The following SCPPPQ1 variants were observed in gnomAD, a reference collection of about 807,000 sequenced individuals.
The protein encoded by SCPPPQ1 is secretory calcium-binding phosphoprotein proline- and glutamine-rich 1.
At chr4:87,465,161 A>G in the SCPPPQ1 span, among the ~76,000 whole-genome samples, 28 of 152,288 alleles carry the variant, frequency 1.8e-4, no homozygotes, top group Admixed American at 1.6e-3. Context: ...CTAGAAGAGG[A>G]TAAGGGTCAC....
chr4:87,470,229 G>A, the SCPPPQ1 span, among the ~76,000 whole-genome samples: 1 of 152,170 alleles, frequency 6.6e-6, no homozygotes, highest in African/African-American at 2.4e-5. Context: ...GCCTTCCAAA[G>A]TGCTGGGATT....
chr4:87,464,609 A>T, the SCPPPQ1 span, among the ~76,000 whole-genome samples: 1 of 152,204 alleles, frequency 6.6e-6, no homozygotes, highest in East Asian at 1.9e-4. Flanking sequence ...AGGCCAAGGG[A>T]GGAGGATCAC....
chr4:87,460,874 G>T, the SCPPPQ1 span: 1 of 152,424 alleles, frequency 6.6e-6, no homozygotes, highest in Non-Finnish European at 1.5e-5. Flanking sequence ...ATGGTTTTTT[G>T]GAGTTTTCAC....
At chr4:87,461,433 T>C in the SCPPPQ1 span, among the ~76,000 whole-genome samples, 2 of 152,196 alleles carry the variant, frequency 1.3e-5, no homozygotes, top group Non-Finnish European at 2.9e-5. Context: ...AGTATTGCAG[T>C]TATGATTTGT....
the SCPPPQ1 span, among the ~76,000 whole-genome samples, chr4:87,466,337 T>C: frequency 4.6e-5 from 7 of 152,006 alleles, no homozygotes; most frequent in African/African-American, 1.7e-4. Flanking sequence ...ACCACTGTAC[T>C]CCAGCCTGGG....
the SCPPPQ1 span, among the ~76,000 whole-genome samples, chr4:87,467,840 A>G: frequency 1.3e-5 from 2 of 152,160 alleles, no homozygotes; most frequent in Non-Finnish European, 2.9e-5. Context: ...GGGAAAGAGG[A>G]CCTGAGGGAA....
At chr4:87,463,913 C>T in the SCPPPQ1 span, among the ~76,000 whole-genome samples, 1 of 152,194 alleles carries the variant, frequency 6.6e-6, no homozygotes, top group African/African-American at 2.4e-5. Flanking sequence ...AAGATTCTGG[C>T]AGCTTGCTCA....
the SCPPPQ1 span, among the ~76,000 whole-genome samples, chr4:87,466,772 A>G: frequency 2.0e-5 from 3 of 152,160 alleles, no homozygotes; most frequent in Admixed American, 2.0e-4. Context: ...CCTATAATCC[A>G]GCTACTGGGG....
At chr4:87,464,180 G>A in the SCPPPQ1 span, among the ~76,000 whole-genome samples, 4 of 152,092 alleles carry the variant, frequency 2.6e-5, no homozygotes, top group Admixed American at 6.6e-5. Context: ...TATTTACCGC[G>A]ATAAGATCAT....
the SCPPPQ1 span, chr4:87,462,150 A>G: frequency 1.3e-5 from 2 of 152,326 alleles, 1 homozygote; most frequent in Non-Finnish European, 2.9e-5. Flanking sequence ...TTGGAGGTGG[A>G]AAATAATGTG....
At chr4:87,469,480 G>A in the SCPPPQ1 span, among the ~76,000 whole-genome samples, 25 of 152,160 alleles carry the variant, frequency 1.6e-4, no homozygotes, top group African/African-American at 5.8e-4. Flanking sequence ...TGACTTTCCT[G>A]GGTTCCGCTT....
At chr4:87,463,599 T>C in the SCPPPQ1 span, among the ~76,000 whole-genome samples, 3 of 152,208 alleles carry the variant, frequency 2.0e-5, no homozygotes, top group East Asian at 1.9e-4. Context: ...ATTTATATGA[T>C]ACAAGATTTT....
chr4:87,469,115 CAG>C, the SCPPPQ1 span, among the ~76,000 whole-genome samples: 1 of 152,138 alleles, frequency 6.6e-6, no homozygotes, highest in Non-Finnish European at 1.5e-5. Flanking sequence ...CCTTTGGTGT[CAG>C]AGCATTTCCA....
chr4:87,462,403 C>T, the SCPPPQ1 span: 6 of 152,210 alleles, frequency 3.9e-5, no homozygotes, highest in African/African-American at 1.4e-4. Flanking sequence ...GCCAGGACAA[C>T]ATAGCAAGAT....
At chr4:87,461,156 CTGAG>C in the SCPPPQ1 span, among the ~76,000 whole-genome samples, 1 of 152,078 alleles carries the variant, frequency 6.6e-6, no homozygotes, top group Admixed American at 6.5e-5. Flanking sequence ...TTGCCATTTA[CTGAG>C]TATCTATTAT....
the SCPPPQ1 span, among the ~76,000 whole-genome samples, chr4:87,465,205 C>A: frequency 6.6e-6 from 1 of 152,058 alleles, no homozygotes; most frequent in Non-Finnish European, 1.5e-5. Context: ...TATTAAAGGG[C>A]AGACATGGAG....
chr4:87,470,542 A>C, the SCPPPQ1 span, among the ~76,000 whole-genome samples: 17 of 151,956 alleles, frequency 1.1e-4, no homozygotes, highest in Non-Finnish European at 2.2e-4. Context: ...CAATAAAGGA[A>C]ATCAACTGGC....
the SCPPPQ1 span, among the ~76,000 whole-genome samples, chr4:87,464,802 C>T: frequency 4.9e-4 from 74 of 152,122 alleles, no homozygotes; most frequent in African/African-American, 1.6e-3. Flanking sequence ...TGCACCACTT[C>T]CAGCTTGGGT....
the SCPPPQ1 span, among the ~76,000 whole-genome samples, chr4:87,466,120 G>A: frequency 2.0e-5 from 3 of 152,122 alleles, no homozygotes; most frequent in African/African-American, 7.2e-5. Context: ...GGGCACGGTC[G>A]CTCATGCCTG....
Sources: allele counts gnomAD v4.1 joint callset (sites outside exome capture counted in the v4.1 genomes callset), GRCh38; gene constraint gnomAD v4.1.1; transcripts MANE v1.5; gene names NCBI Gene and HGNC (gene_info 2026-07-23, HGNC 2026-07-21).